Variants in OLAH observed in about 807,000 individuals in gnomAD.
OLAH encodes S-acyl fatty acid synthase thioesterase, medium chain.
In OLAH, 33 loss-of-function variants were observed where a neutral mutation model predicts 27.8. The observed-to-expected ratio is 1.19, with a 90% CI of 0.90 to 1.59. OLAH has a LOEUF of 1.59. OLAH is among the 40% of genes most tolerant of loss of function. The probability of loss-of-function intolerance (pLI) is 0.00; values close to 1 mark genes in which losing one functional copy is unlikely to be tolerated. For synonymous variants in OLAH, 120 were observed against 102.9 expected (o/e 1.17, Z -1.01); for missense variants, 359 against 310.8 (o/e 1.16, Z -1.17).
rs563802553 is a variant in OLAH, at chr10:15,068,513, C to G, written c.572+2760C>G. Among the ~76,000 whole-genome samples, 465 of 152,254 alleles carry G rather than the reference C, an allele frequency of 3.1e-3. 2 individuals are homozygous for G. Among genetic ancestry groups the G allele is most frequent in the African/African-American group, 0.011 (440 of 41,532 alleles). On this transcript the variant is annotated intron_variant, in intron 6 of 7. Coordinates refer to ENST00000378228, the MANE Select transcript of OLAH (RefSeq NM_001039702.3). Reference sequence around the variant, plus strand: ...GTTCAAGCAATTCTCCTGCCTCAGCCTCCCGAGTAGCTGGGATTACAGACA... The same window carrying G: ...GTTCAAGCAATTCTCCTGCCTCAGCGTCCCGAGTAGCTGGGATTACAGACA...
At chr10:15,064,341 T>G (rs1589251238) in intron 4 of OLAH, 62 bp from the exon 5 acceptor site, 8 of 919,352 alleles carry the variant, frequency 8.7e-6, no homozygotes, top group Non-Finnish European at 1.4e-5. Flanking sequence ...CTTTTGACTT[T>G]CGGTGGATCA....
intron 3 of OLAH, among the ~76,000 whole-genome samples, chr10:15,057,526 C>T (rs1238698175): frequency 6.6e-6 from 1 of 150,786 alleles, no homozygotes; most frequent in Admixed American, 6.7e-5. Flanking sequence ...GCTGTGATAA[C>T]AGGCATGAGC....
In OLAH at chr10:15,065,641, C is replaced by A. The variant is rs772662378; in HGVS notation, c.460C>A (p.His154Asn). ...TGAATTGTCAGAAGAACAAATAAGT[C>A]ATTACCTTATGGAATTTGGAGGCAC... is the stretch of plus-strand genomic sequence containing the variant. ...DDELSEEQISHYLMEFGGTPK... is the reference protein window; with the variant it reads ...DDELSEEQISNYLMEFGGTPK... Residue 154 changes from histidine (H) to asparagine (N), a missense_variant, in exon 6 of 8, where the codon CAT becomes AAT. Coordinates refer to ENST00000378228, the MANE Select transcript of OLAH (RefSeq NM_001039702.3). 1 of 1,613,940 alleles carries A rather than the reference C, an allele frequency of 6.2e-7. No individual in the cohort carries two copies. The highest frequency in any genetic ancestry group is 1.1e-5 in the South Asian group (1 of 91,030).
At chr10:15,063,412 C>T (rs577519977) in intron 4 of OLAH, among the ~76,000 whole-genome samples, 23 of 152,276 alleles carry the variant, frequency 1.5e-4, no homozygotes, top group Middle Eastern at 3.4e-3. Context: ...ATCACAGATA[C>T]GAGGCACTGC....
At chr10:15,060,433 G>A (rs1350736062) in intron 3 of OLAH, among the ~76,000 whole-genome samples, 1 of 152,134 alleles carries the variant, frequency 6.6e-6, no homozygotes, top group East Asian at 1.9e-4. Context: ...GCCTGCCAAA[G>A]TGCTGGGATT....
chr10:15,053,311 T>A (rs140346136), intron 3 of OLAH, among the ~76,000 whole-genome samples: 3 of 152,070 alleles, frequency 2.0e-5, no homozygotes, highest in Admixed American at 1.3e-4. Context: ...AGTCCCCCAA[T>A]AGCTACAACA....
In OLAH at chr10:15,073,197, T is replaced by C; in HGVS notation, c.766T>C (p.Cys256Arg). Reference protein sequence around the residue: ...EKLIKNYIIKCLEVSSISNF With the variant: ...EKLIKNYIIKRLEVSSISNF Reference sequence around the variant, plus strand: ...ATTAATCAAGAACTACATAATCAAGTGTCTAGAAGTATCATCGATATCCAA... The same window carrying C: ...ATTAATCAAGAACTACATAATCAAGCGTCTAGAAGTATCATCGATATCCAA... The change falls in exon 8 of 8, where the codon TGT (cysteine) becomes CGT (arginine). Residue 256 changes from cysteine to arginine, a missense_variant. Physicochemically the swap from Cys to Arg is radical, Grantham distance 180 (BLOSUM62 -3). Transcript: ENST00000378228. 1 of 1,599,720 alleles carries C rather than the reference T, an allele frequency of 6.3e-7. No individual in the cohort carries two copies. The highest frequency in any genetic ancestry group is 2.2e-5 in the East Asian group (1 of 44,808).
intron 6 of OLAH, among the ~76,000 whole-genome samples, chr10:15,071,245 C>G (rs902893664): frequency 1.3e-5 from 2 of 152,124 alleles, no homozygotes; most frequent in Non-Finnish European, 2.9e-5. Context: ...AGTTCTCCAT[C>G]CCCCTGGACT....
intron 3 of OLAH, among the ~76,000 whole-genome samples, chr10:15,053,589 C>T (rs1029152318): frequency 3.3e-5 from 5 of 152,172 alleles, no homozygotes; most frequent in Non-Finnish European, 5.9e-5. Flanking sequence ...TGCAACCCCC[C>T]GAAGCATGCC....
chr10:15,042,875 T>TTTTTTGG (rs1843944251), upstream of OLAH, among the ~76,000 whole-genome samples: 1 of 142,980 alleles, frequency 7.0e-6, no homozygotes, highest in African/African-American at 2.7e-5. Context: ...TTTTTTTTTT[T>TTTTTTGG]GAGATGGAGG....
At chr10:15,072,751 T>C (rs1276039994) in intron 7 of OLAH, among the ~76,000 whole-genome samples, 5 of 151,698 alleles carry the variant, frequency 3.3e-5, no homozygotes, top group Admixed American at 3.3e-4. Context: ...GCCGTCATCT[T>C]CCTGGCCAGA....
chr10:15,041,069 T>C (rs1435295267), upstream of OLAH, among the ~76,000 whole-genome samples: 1 of 152,152 alleles, frequency 6.6e-6, no homozygotes, highest in African/African-American at 2.4e-5. Context: ...AAATGCCCTA[T>C]TGACTAGAGT....
intron 3 of OLAH, among the ~76,000 whole-genome samples, chr10:15,050,830 C>T (rs1056978425): frequency 1.3e-5 from 2 of 151,678 alleles, no homozygotes; most frequent in African/African-American, 2.4e-5. Flanking sequence ...CGTGAGCCAC[C>T]GCGCCTGGCC....
At chr10:15,062,109 A>C (rs1418506650) in intron 4 of OLAH, 1 of 367,076 alleles carries the variant, frequency 2.7e-6, no homozygotes, top group East Asian at 4.5e-5. Flanking sequence ...CTTACATTCT[A>C]TTTATTTTTG....
chr10:15,069,216 G>C lies in OLAH; in HGVS notation c.573-2579G>C, dbSNP rs12257563. ...CCTTCTCTCTTGCAAACACATTTTT[G>C]CCTTCTATCTGTGGTTGCCTTGGTG... On this transcript the variant is annotated intron_variant, in intron 6 of 7. Coordinates refer to ENST00000378228, the MANE Select transcript of OLAH (RefSeq NM_001039702.3). 8.7e-3 allele frequency among the ~76,000 whole-genome samples: 1,319 copies of C among 152,174 alleles called. 23 individuals are homozygous for C. The highest frequency in any genetic ancestry group is 0.03 in the African/African-American group (1,236 of 41,508).
chr10:15,041,061 A>G (rs1843911396), upstream of OLAH, among the ~76,000 whole-genome samples: 1 of 152,162 alleles, frequency 6.6e-6, no homozygotes, highest in Admixed American at 6.6e-5. Flanking sequence ...CTCAGTCCAA[A>G]TGCCCTATTG....
chr10:15,067,005 A>G lies in OLAH; in HGVS notation c.572+1252A>G, dbSNP rs567774539. Reference sequence around the variant, plus strand: ...ACACATGTGTATTTCAAAATTGCTAAGAAAGTAGATTTTACCTGTGCACAT... The same window carrying G: ...ACACATGTGTATTTCAAAATTGCTAGGAAAGTAGATTTTACCTGTGCACAT... On this transcript the variant is annotated intron_variant, in intron 6 of 7. Transcript: ENST00000378228. Among the ~76,000 whole-genome samples the G allele has an allele frequency of 4.1e-4, 63 of 152,358 alleles. No individual in the cohort carries two copies. The South Asian group carries it at 0.013, about 32-fold the overall frequency.
At chr10:15,042,880 TGGA>T (rs1309492986), upstream of OLAH, among the ~76,000 whole-genome samples, 8 of 108,388 alleles carry the variant, frequency 7.4e-5, no homozygotes, top group Middle Eastern at 5.4e-3. Flanking sequence ...TTTTTTGAGA[TGGA>T]GGAGTCTCGC....
rs757795733 is a variant in OLAH, at chr10:15,073,232, A to AT, written c.*7dup. 1.3e-5 allele frequency: 20 copies of AT among 1,552,060 alleles called. No individual in the cohort carries two copies. In the East Asian group the frequency reaches 4.5e-4, roughly 35 times the overall value. ...TATCATCGATATCCAATTTTTAGAT[A>AT]TTTTCCCTTTCACTTTTAAAATAAT... On this transcript the variant is annotated 3_prime_UTR_variant, in exon 8 of 8. Transcript: ENST00000378228.
Sources: gnomAD v4.1 joint callset for allele counts (sites outside exome capture counted in the v4.1 genomes callset) on GRCh38, gnomAD v4.1.1 for gene constraint, MANE v1.5 for transcripts, NCBI Gene and HGNC (gene_info 2026-07-23, HGNC 2026-07-21) for gene names.